Variants in STRN3 observed in about 807,000 individuals in gnomAD.
STRN3 encodes the protein striatin-3.
In STRN3, 29 loss-of-function variants were observed where a neutral mutation model predicts 95.6. That is an observed-to-expected ratio of 0.30 (90% confidence interval 0.23 to 0.41). The LOEUF (loss-of-function observed/expected upper bound fraction) is 0.41, where lower values mean the gene tolerates loss of function less well. Among genes scored for constraint, STRN3 ranks in the 10% least tolerant of loss-of-function variants. The probability of loss-of-function intolerance (pLI) is 1.00; values close to 1 mark genes in which losing one functional copy is unlikely to be tolerated. For synonymous variants in STRN3, 331 were observed against 357.6 expected (o/e 0.93, Z 0.84); for missense variants, 890 against 972.1 (o/e 0.92, Z 1.12).
At chr14:30,971,045 T>TC (rs1404982232) in intron 1 of STRN3, among the ~76,000 whole-genome samples, 1 of 152,202 alleles carries the variant, frequency 6.6e-6, no homozygotes, top group Non-Finnish European at 1.5e-5. Flanking sequence ...AGCCTCCATC[T>TC]CCCAACACTA....
chr14:30,905,312 G>T, intron 15 of STRN3, 106 bp downstream of exon 15: 1 of 1,094,902 alleles, frequency 9.1e-7, no homozygotes, highest in African/African-American at 1.6e-5. Context: ...TAATTATTTT[G>T]CCATCCTAAA....
Position 30,912,150 on chromosome 14 carries a change from T to G in STRN3, c.1407A>C (p.Thr469=), listed in dbSNP as rs1169867809. The G allele has an allele frequency of 1.9e-6, 3 of 1,610,802 alleles. No individual in the cohort carries two copies. Among genetic ancestry groups the G allele is most frequent in the Non-Finnish European group, 2.5e-6 (3 of 1,179,278 alleles). ...TACGTAGTGTATACTTGGGATTCCA[T>G]GTCTTTCGAAAGGCATCTTTATTAG... ...LPANKDAFRK[T]WNPKYTLRSH... The change falls in exon 11 of 18, where the codon ACA becomes ACC. Residue 469 remains threonine, a synonymous_variant. Transcript: ENST00000357479.
intron 1 of STRN3, among the ~76,000 whole-genome samples, chr14:30,961,755 C>G (rs1009484356): frequency 2.0e-5 from 3 of 152,172 alleles, no homozygotes; most frequent in African/African-American, 7.2e-5. Flanking sequence ...AGGCTCGGGC[C>G]ACCAGCCAGG....
intron 1 of STRN3, among the ~76,000 whole-genome samples, chr14:30,970,431 A>G (rs1002368624): frequency 2.0e-5 from 3 of 152,164 alleles, no homozygotes; most frequent in Non-Finnish European, 4.4e-5. Flanking sequence ...AAAACCATAC[A>G]TTCATTTTAC....
chr14:30,997,015 A>T (rs912765625), intron 1 of STRN3, among the ~76,000 whole-genome samples: 2 of 151,604 alleles, frequency 1.3e-5, no homozygotes, highest in African/African-American at 4.8e-5. Context: ...ATAGACAATA[A>T]AAAAAAAACC....
chr14:30,950,638 T>TC (rs1253441905), intron 4 of STRN3, among the ~76,000 whole-genome samples: 1 of 152,166 alleles, frequency 6.6e-6, no homozygotes, highest in Non-Finnish European at 1.5e-5. Context: ...GCTCAAGTCA[T>TC]CCAGTCTTTT....
chr14:30,939,778 T>A (rs1879005503), intron 5 of STRN3, among the ~76,000 whole-genome samples: 1 of 152,170 alleles, frequency 6.6e-6, no homozygotes, highest in African/African-American at 2.4e-5. Flanking sequence ...CCTTTGTTAT[T>A]TACCCTATTT....
chr14:30,894,760 C>A lies in STRN3; in HGVS notation c.*651G>T. 1 of 211,468 alleles carries A rather than the reference C, an allele frequency of 4.7e-6. No individual in the cohort carries two copies. Among genetic ancestry groups the A allele is most frequent in the Non-Finnish European group, 9.3e-6 (1 of 107,676 alleles). 13.1% of individuals were successfully genotyped at this position (211,468 alleles called of 1,614,324 possible). A position where few individuals can be genotyped will look rare whatever the true frequency, so the allele number is the denominator to read the frequency against. On this transcript the variant is annotated 3_prime_UTR_variant, in exon 18 of 18. Transcript: ENST00000357479. The stretch of plus-strand genomic sequence containing the variant: ...CTCTGTGTTTTAGGGTTGTATAATG[C>A]AGAAAAACTTCAATACAATCTTGAG...
At chr14:31,024,515 C>T (rs1379725554) in intron 1 of STRN3, among the ~76,000 whole-genome samples, 1 of 152,120 alleles carries the variant, frequency 6.6e-6, no homozygotes, top group Non-Finnish European at 1.5e-5. Context: ...TTGTAAAGCA[C>T]TGAAATGACT....
intron 13 of STRN3, among the ~76,000 whole-genome samples, chr14:30,910,596 G>A (rs1212474007): frequency 6.7e-6 from 1 of 149,200 alleles, no homozygotes; most frequent in Non-Finnish European, 1.5e-5. Context: ...CTTCCATTTT[G>A]AAATTAAGAA....
chr14:30,980,402 CT>C (rs1212836333), intron 1 of STRN3, among the ~76,000 whole-genome samples: 3 of 151,524 alleles, frequency 2.0e-5, no homozygotes, highest in South Asian at 2.1e-4. Flanking sequence ...TTCTTTGTTT[CT>C]TTTTTTTTCT....
At chr14:30,942,478 A>G (rs1305268118) in intron 5 of STRN3, among the ~76,000 whole-genome samples, 4 of 152,230 alleles carry the variant, frequency 2.6e-5, no homozygotes, top group Non-Finnish European at 5.9e-5. Flanking sequence ...GCTAAGTAAA[A>G]GACTAAATGT....
intron 1 of STRN3, among the ~76,000 whole-genome samples, chr14:30,966,115 AT>A (rs1880489090): frequency 6.7e-6 from 1 of 149,780 alleles, no homozygotes; most frequent in Non-Finnish European, 1.5e-5. Context: ...TTCTCTTTTA[AT>A]TAGCCAATCG....
chr14:31,006,013 C>G (rs1882692530), intron 1 of STRN3, among the ~76,000 whole-genome samples: 1 of 150,234 alleles, frequency 6.7e-6, no homozygotes, highest in East Asian at 2.0e-4. Flanking sequence ...CTCAGCTACT[C>G]AGGAGGGAGG....
Position 30,985,248 on chromosome 14 carries a change from C to T in STRN3, c.283-29006G>A, listed in dbSNP as rs1254117226. On this transcript the variant is annotated intron_variant, in intron 1 of 17. Transcript: ENST00000357479. The stretch of plus-strand genomic sequence containing the variant: ...GCTTGAACCTAGGAGGCAGAGGTTG[C>T]AGTGAGCCACGATGGCACCATTGCA... 2.7e-5 allele frequency among the ~76,000 whole-genome samples: 4 copies of T among 147,866 alleles called. No individual in the cohort carries two copies. The East Asian group carries it at 8.0e-4, about 30-fold the overall frequency.
intron 5 of STRN3, among the ~76,000 whole-genome samples, chr14:30,942,776 A>G (rs746108576): frequency 2.6e-5 from 4 of 152,178 alleles, no homozygotes; most frequent in Non-Finnish European, 5.9e-5. Context: ...AATAAACACT[A>G]GTCTTGGTGG....
chr14:30,920,621 A>G (rs991340869), intron 8 of STRN3, among the ~76,000 whole-genome samples: 1 of 152,144 alleles, frequency 6.6e-6, no homozygotes, highest in Admixed American at 6.5e-5. Context: ...ATCTCCCTTT[A>G]AAGTATTCTC....
At chr14:30,908,422 T>C (rs1347488369) in intron 13 of STRN3, among the ~76,000 whole-genome samples, 1 of 152,194 alleles carries the variant, frequency 6.6e-6, no homozygotes, top group Non-Finnish European at 1.5e-5. Flanking sequence ...ACAAAACATT[T>C]TGTTGTTGTT....
intron 8 of STRN3, among the ~76,000 whole-genome samples, chr14:30,923,157 GTGTT>G (rs1896927225): frequency 6.6e-6 from 1 of 152,258 alleles, no homozygotes; most frequent in Non-Finnish European, 1.5e-5. Context: ...GTGAGCAAAG[GTGTT>G]TTTAAAAGCC....
Sources: gnomAD v4.1 joint callset for allele counts (sites outside exome capture counted in the v4.1 genomes callset) on GRCh38, gnomAD v4.1.1 for gene constraint, MANE v1.5 for transcripts, NCBI Gene and HGNC (gene_info 2026-07-23, HGNC 2026-07-21) for gene names.